Variants in PPARG observed in about 807,000 individuals in gnomAD.
PPARG encodes peroxisome proliferator activated receptor gamma.
PPARG carries 17 observed loss-of-function variants against 39.2 expected under a neutral mutation model. The observed-to-expected ratio is 0.43, with a 90% confidence interval of 0.30 to 0.65. PPARG has a LOEUF of 0.65. Among genes scored for constraint, PPARG ranks in the 30% least tolerant of loss-of-function variants. The pLI, the probability that PPARG is intolerant of heterozygous loss-of-function variation, is 0.13. For synonymous variants in PPARG, 223 were observed against 215.7 expected, an observed-to-expected ratio of 1.03 and a Z score of -0.30; for missense variants, 406 against 585.9, an observed-to-expected ratio of 0.69 and a Z score of 3.17.
At chr3:12,429,380 ATCATCTCC>A (rs2051571930) in intron 7 of PPARG, among the ~76,000 whole-genome samples, 1 of 152,036 alleles carries the variant, frequency 6.6e-6, no homozygotes, top group Non-Finnish European at 1.5e-5. Context: ...GTAGATTAAC[ATCATCTCC>A]TCAGCCCAAG....
At chr3:12,339,093 C>G (rs1011245852) in intron 2 of PPARG, among the ~76,000 whole-genome samples, 1 of 152,078 alleles carries the variant, frequency 6.6e-6, no homozygotes, top group Non-Finnish European at 1.5e-5. Context: ...CTAATCTAGG[C>G]AGTTCAGCAG....
At chr3:12,428,044 T>C (rs576425190) in intron 7 of PPARG, among the ~76,000 whole-genome samples, 27 of 152,310 alleles carry the variant, frequency 1.8e-4, no homozygotes, top group African/African-American at 6.5e-4. Flanking sequence ...ACCTGCATTT[T>C]TTCTGCCTCT....
rs1205699509 is a variant in PPARG, at chr3:12,393,864, T to C, written c.529+1112T>C. ...ACTCATTGATTAATAACCTACCCTT[T>C]AAAAATAGTTCACAAAATTCTATCT... On this transcript the variant is annotated intron_variant, in intron 5 of 7. Transcript: ENST00000651735. Among the ~76,000 whole-genome samples, 5 of 152,120 alleles carry C rather than the reference T, an allele frequency of 3.3e-5. No homozygotes were observed. The East Asian group carries it at 7.7e-4, about 23-fold the overall frequency.
chr3:12,334,492 A>G (rs914254895), intron 2 of PPARG, among the ~76,000 whole-genome samples: 1 of 151,960 alleles, frequency 6.6e-6, no homozygotes, highest in South Asian at 2.1e-4. Context: ...CGGCCTCCCA[A>G]AGTGTTGGGA....
chr3:12,386,932 A>G (rs1362753661), intron 4 of PPARG, among the ~76,000 whole-genome samples: 3 of 137,548 alleles, frequency 2.2e-5, no homozygotes, highest in Non-Finnish European at 3.0e-5. Context: ...ATGCATTCTC[A>G]TTGTTCCACT....
chr3:12,375,316 G>A (rs940433588), intron 2 of PPARG, among the ~76,000 whole-genome samples: 2 of 152,096 alleles, frequency 1.3e-5, no homozygotes, highest in African/African-American at 2.4e-5. Context: ...CACTGAAATT[G>A]TATGTTAAAA....
At chr3:12,417,902 CT>C (rs869086237) in intron 7 of PPARG, among the ~76,000 whole-genome samples, 796 of 65,790 alleles carry the variant, frequency 0.012, 1 homozygote, top group Middle Eastern at 0.033. Flanking sequence ...TTTTTTTTTC[CT>C]TTTTTTTTTT....
intron 2 of PPARG, among the ~76,000 whole-genome samples, chr3:12,355,096 G>C (rs1342180027): frequency 6.6e-6 from 1 of 152,098 alleles, no homozygotes; most frequent in Non-Finnish European, 1.5e-5. Flanking sequence ...TTCGTACACT[G>C]AAGTAGAAGT....
At chr3:12,329,085 A>G (rs1204437561) in intron 2 of PPARG, among the ~76,000 whole-genome samples, 1 of 152,090 alleles carries the variant, frequency 6.6e-6, no homozygotes, top group East Asian at 1.9e-4. Flanking sequence ...TTTTGTTGCA[A>G]GCCAGTTGTT....
chr3:12,366,832 A>G (rs566966710), intron 2 of PPARG, among the ~76,000 whole-genome samples: 1 of 152,294 alleles, frequency 6.6e-6, no homozygotes, highest in Non-Finnish European at 1.5e-5. Flanking sequence ...ATGTCTGTCC[A>G]TGAGAGATTG....
At chr3:12,334,107 G>A (rs1023573105) in intron 2 of PPARG, among the ~76,000 whole-genome samples, 3 of 152,076 alleles carry the variant, frequency 2.0e-5, no homozygotes, top group African/African-American at 4.8e-5. Context: ...AGTTCCTTAA[G>A]AGCAGGCTTA....
intron 6 of PPARG, among the ~76,000 whole-genome samples, chr3:12,413,662 T>C (rs536653704): frequency 3.3e-5 from 5 of 150,590 alleles, no homozygotes; most frequent in Middle Eastern, 3.4e-3. Flanking sequence ...ATAAAAAAAT[T>C]TAAAAAAAAT....
intron 2 of PPARG, among the ~76,000 whole-genome samples, chr3:12,345,873 G>C (rs1222101974): frequency 6.6e-6 from 1 of 152,046 alleles, no homozygotes; most frequent in Non-Finnish European, 1.5e-5. Context: ...CCATATAACT[G>C]ATCTTGAAAA....
rs373448858 is a variant in PPARG at position 12,309,580 on chromosome 3, G to A, written c.-82-2800G>A. Among the ~76,000 whole-genome samples, 11 of 152,232 alleles carry A rather than the reference G, an allele frequency of 7.2e-5. 1 individual carries two copies. Among genetic ancestry groups the A allele is most frequent in the Admixed American group, 2.6e-4 (4 of 15,302 alleles). On this transcript the variant is annotated intron_variant, in intron 1 of 7. Transcript: ENST00000651735. ...ATGTCACTATATTTTTTCCTACTGA[G>A]AAACAGCTTATGTAGTAAGAAAATC...
At chr3:12,351,761 G>A (rs1027451515) in intron 2 of PPARG, 3 of 1,079,088 alleles carry the variant, frequency 2.8e-6, no homozygotes, top group African/African-American at 3.1e-5. Context: ...CTTCCAGGTT[G>A]TGTTTGTTTT....
chr3:12,399,820 C>CAAAAAAAAAAAA (rs36025945), intron 5 of PPARG, among the ~76,000 whole-genome samples: 1 of 103,276 alleles, frequency 9.7e-6, no homozygotes. Flanking sequence ...CCATGTCTAC[C>CAAAAAAAAAAAA]AAAAAAAAAA....
At chr3:12,331,506 A>G (rs1206484554) in intron 2 of PPARG, among the ~76,000 whole-genome samples, 2 of 152,190 alleles carry the variant, frequency 1.3e-5, no homozygotes, top group African/African-American at 4.8e-5. Flanking sequence ...AAGACAATCA[A>G]AAGTCAAAAT....
chr3:12,379,186 G>A (rs1416506644), intron 2 of PPARG, among the ~76,000 whole-genome samples: 32 of 151,890 alleles, frequency 2.1e-4, no homozygotes, highest in Admixed American at 2.1e-3. Context: ...TGTATTTTTA[G>A]TAGAGATGAG....
At chr3:12,354,986 T>C (rs1311246600) in intron 2 of PPARG, among the ~76,000 whole-genome samples, 1 of 152,192 alleles carries the variant, frequency 6.6e-6, no homozygotes, top group Non-Finnish European at 1.5e-5. Context: ...TCATTAATAT[T>C]TTCCTGTGAA....
Sources: gnomAD v4.1 joint callset for allele counts (sites outside exome capture counted in the v4.1 genomes callset) on GRCh38, gnomAD v4.1.1 for gene constraint, MANE v1.5 for transcripts, NCBI Gene and HGNC (gene_info 2026-07-23, HGNC 2026-07-21) for gene names.